Variants in ENOX2 observed in about 807,000 individuals in gnomAD.
ENOX2 encodes ecto-NOX disulfide-thiol exchanger 2.
A neutral mutation model predicts 45.0 loss-of-function variants in ENOX2; 36 were observed. That is an observed-to-expected ratio of 0.80 (90% CI 0.61 to 1.06). ENOX2 has a LOEUF of 1.06. ENOX2 is among the 50% of genes least tolerant of loss of function. The pLI is 0.00. For synonymous variants in ENOX2, 174 were observed against 152.3 expected, an observed-to-expected ratio of 1.14 and a Z score of -1.05; for missense variants, 423 against 462.5, an observed-to-expected ratio of 0.91 and a Z score of 0.78.
chrX:130,902,053 CAAAGCCTG>C (rs1382828516), intron 1 of ENOX2, among the ~76,000 whole-genome samples: 1 of 111,407 alleles, frequency 9.0e-6, no homozygotes, highest in Non-Finnish European at 1.9e-5. Flanking sequence ...ACCTCCTTCA[CAAAGCCTG>C]AAAGCCGGAT....
intron 2 of ENOX2, among the ~76,000 whole-genome samples, chrX:130,856,588 G>C (rs1277444950): frequency 1.8e-5 from 2 of 110,705 alleles, no homozygotes; most frequent in African/African-American, 6.6e-5. Flanking sequence ...GGTCCAAAAG[G>C]AACTAAGTTC....
intron 3 of ENOX2, among the ~76,000 whole-genome samples, chrX:130,721,519 G>A (rs1435052530): frequency 3.6e-5 from 4 of 111,963 alleles, no homozygotes; most frequent in Non-Finnish European, 7.5e-5. Context: ...GCCTTCTTGA[G>A]ACAACTTCAC....
At chrX:130,866,799 A>G (rs1399882437) in intron 2 of ENOX2, among the ~76,000 whole-genome samples, 1 of 110,713 alleles carries the variant, frequency 9.0e-6, no homozygotes, top group Admixed American at 9.7e-5. Flanking sequence ...CAGCTTTCTT[A>G]TATTTAATAG....
At chrX:130,806,905 T>G (rs1236490021) in intron 2 of ENOX2, among the ~76,000 whole-genome samples, 2 of 112,548 alleles carry the variant, frequency 1.8e-5, no homozygotes, top group African/African-American at 3.2e-5. Context: ...ATTGGCCTGA[T>G]AGAGTTCATT....
At chrX:130,679,398 T>G (rs2037239367) in intron 6 of ENOX2, 144 bp downstream of exon 6, 1 of 510,387 alleles carries the variant, frequency 2.0e-6, no homozygotes, top group South Asian at 3.0e-5. Flanking sequence ...AAGGAAGAAG[T>G]TGAATGGGAA....
intron 2 of ENOX2, among the ~76,000 whole-genome samples, chrX:130,884,225 T>C (rs2078866642): frequency 8.9e-6 from 1 of 112,408 alleles, no homozygotes; most frequent in African/African-American, 3.2e-5. Context: ...AAGGAAATAA[T>C]ATGAGGACAG....
intron 2 of ENOX2, among the ~76,000 whole-genome samples, chrX:130,823,174 C>A (rs895968782): frequency 4.5e-5 from 5 of 111,685 alleles, no homozygotes; most frequent in African/African-American, 1.3e-4. Flanking sequence ...CAAAACCAGG[C>A]TACTGGCAGA....
intron 3 of ENOX2, among the ~76,000 whole-genome samples, chrX:130,774,612 T>C (rs1234766659): frequency 8.9e-6 from 1 of 111,977 alleles, no homozygotes; most frequent in East Asian, 2.8e-4. Context: ...TATACTTTGG[T>C]GTTGTGGAAG....
At chrX:130,664,583 T>C (rs1768283728) in intron 9 of ENOX2, among the ~76,000 whole-genome samples, 1 of 112,516 alleles carries the variant, frequency 8.9e-6, no homozygotes, top group African/African-American at 3.2e-5. Context: ...TCCTAACTCA[T>C]CTCATCCTAT....
chrX:130,838,087 A>C (rs563098868), intron 2 of ENOX2, among the ~76,000 whole-genome samples: 4 of 112,454 alleles, frequency 3.6e-5, no homozygotes, highest in South Asian at 7.5e-4. Flanking sequence ...TTGAAAGCAG[A>C]TAACACCTAC....
intron 3 of ENOX2, among the ~76,000 whole-genome samples, chrX:130,714,308 T>G (rs761559794): frequency 8.9e-6 from 1 of 112,292 alleles, no homozygotes; most frequent in Non-Finnish European, 1.9e-5. Context: ...TACCGTTTAC[T>G]CACCATGTAG....
chrX:130,851,458 T>C (rs2078206710), intron 2 of ENOX2, among the ~76,000 whole-genome samples: 1 of 110,131 alleles, frequency 9.1e-6, no homozygotes, highest in Non-Finnish European at 1.9e-5. Flanking sequence ...GTATTTTTTT[T>C]TTCTTTTTTT....
At chrX:130,890,839 T>A (rs1382453952) in intron 2 of ENOX2, among the ~76,000 whole-genome samples, 1 of 112,982 alleles carries the variant, frequency 8.9e-6, no homozygotes, top group African/African-American at 3.2e-5. Context: ...GTCAAGTCAC[T>A]TCTACTCTCT....
At chrX:130,889,072 C>A (rs1210607785) in intron 2 of ENOX2, among the ~76,000 whole-genome samples, 2 of 111,962 alleles carry the variant, frequency 1.8e-5, no homozygotes, top group African/African-American at 6.5e-5. Context: ...TTATGAGGCT[C>A]CAAGCTGCCT....
chrX:130,783,171 T>A (rs1347505365), intron 3 of ENOX2, among the ~76,000 whole-genome samples: 1 of 112,027 alleles, frequency 8.9e-6, no homozygotes, highest in African/African-American at 3.3e-5. Flanking sequence ...TCTACCTAAA[T>A]CGATGCTCTT....
At chrX:130,872,525 A>G (rs761742045) in intron 2 of ENOX2, among the ~76,000 whole-genome samples, 4 of 112,030 alleles carry the variant, frequency 3.6e-5, no homozygotes, top group Non-Finnish European at 7.5e-5. Context: ...CTACCTCTGC[A>G]TGGCAGATCA....
chrX:130,708,354 T>C (rs1180426484), intron 3 of ENOX2, among the ~76,000 whole-genome samples: 1 of 111,854 alleles, frequency 8.9e-6, no homozygotes, highest in East Asian at 2.8e-4. Context: ...CATGAATTAC[T>C]AGAATACACT....
At position 130,628,027 on chromosome X, in the gene ENOX2, G is replaced by A. The variant is rs775868653; in HGVS notation, c.1545C>T (p.Phe515=). 2.5e-6 allele frequency: 3 copies of A among 1,193,104 alleles called. No homozygotes were observed. Among genetic ancestry groups the A allele is most frequent in the African/African-American group, 3.5e-5 (2 of 56,997 alleles). The change falls in exon 14 of 15, where the codon TTC becomes TTT. Residue 515 remains phenylalanine, a synonymous_variant. Coordinates refer to ENST00000394363, the MANE Select transcript of ENOX2 (RefSeq NM_006375.4). ...EALLVGIIST[F]LHVHPFGASI... ...TTGCTCCAAATGGGTGAACATGAAGGAATGTGGAGATAATCCCTACAGAGA... is the reference window on the plus strand; with the variant it reads ...TTGCTCCAAATGGGTGAACATGAAGAAATGTGGAGATAATCCCTACAGAGA...
At position 130,697,973 on chromosome X, in the gene ENOX2, G is replaced by A. The variant is rs768416089; in HGVS notation, c.97+5147C>T. ...ACCTACACAGACTGTGATGTCGAGC[G>A]CCTCACTATCTGTATTTCTTGGTGT... On this transcript the variant is annotated intron_variant, in intron 4 of 14. Coordinates refer to ENST00000394363, the MANE Select transcript of ENOX2 (RefSeq NM_006375.4). Among the ~76,000 whole-genome samples the A allele has an allele frequency of 4.4e-4, 49 of 111,232 alleles. 1 individual carries two copies. Among genetic ancestry groups the A allele is most frequent in the Non-Finnish European group, 9.2e-4 (49 of 53,025 alleles).
Sources: allele counts gnomAD v4.1 joint callset (sites outside exome capture counted in the v4.1 genomes callset), GRCh38; gene constraint gnomAD v4.1.1; transcripts MANE v1.5; gene names NCBI Gene and HGNC (gene_info 2026-07-23, HGNC 2026-07-21).